The following NEK11 variants were observed in gnomAD, a reference collection of about 807,000 sequenced individuals.
NEK11 encodes the protein serine/threonine-protein kinase Nek11.
In NEK11, 72 loss-of-function variants were observed where a neutral mutation model predicts 80.7. The observed-to-expected ratio is 0.89, with a 90% CI of 0.74 to 1.08. NEK11 has a LOEUF of 1.08. Among genes scored for constraint, NEK11 ranks in the 50% least tolerant of loss-of-function variants. The pLI is 0.00. For synonymous variants in NEK11, 251 were observed against 260.7 expected (o/e 0.96, Z 0.36); for missense variants, 764 against 763.6 (o/e 1.00, Z -0.01).
Position 131,056,689 on chromosome 3 carries a change from C to T in NEK11, c.171-23734C>T, listed in dbSNP as rs145535659. Among the ~76,000 whole-genome samples the T allele has an allele frequency of 9.3e-3, 1,409 of 152,264 alleles. 20 individuals are homozygous for T. Among genetic ancestry groups the T allele is most frequent in the African/African-American group, 0.031 (1,293 of 41,554 alleles). On this transcript the variant is annotated intron_variant, in intron 3 of 17. Coordinates refer to ENST00000383366, the MANE Select transcript of NEK11 (RefSeq NM_024800.5). ...GGTCAGAAATCATTGCCAGCTTGTT[C>T]TCTATGGTTCTAGTGGAGAACAGAG...
chr3:131,243,971 G>C (rs1295835536), intron 16 of NEK11, among the ~76,000 whole-genome samples: 1 of 151,800 alleles, frequency 6.6e-6, no homozygotes, highest in African/African-American at 2.4e-5. Context: ...TATGCTTCAG[G>C]GATAAAGCCC....
intron 11 of NEK11, 132 bp from the exon 12 acceptor site, chr3:131,165,294 G>C: frequency 1.6e-6 from 1 of 623,074 alleles, no homozygotes; most frequent in East Asian, 2.8e-5. Flanking sequence ...CCTTGATGAG[G>C]AAGAGACCTG....
intron 16 of NEK11, among the ~76,000 whole-genome samples, chr3:131,272,705 AC>A (rs2096220780): frequency 6.6e-6 from 1 of 151,748 alleles, no homozygotes; most frequent in African/African-American, 2.4e-5. Flanking sequence ...CAAACTCGTG[AC>A]CTCAGGTGAT....
chr3:131,111,821 A>G (rs991107759), intron 5 of NEK11, among the ~76,000 whole-genome samples: 6 of 152,344 alleles, frequency 3.9e-5, no homozygotes, highest in South Asian at 4.1e-4. Flanking sequence ...GCATTCAGAT[A>G]TTAGACAGTT....
intron 7 of NEK11, among the ~76,000 whole-genome samples, chr3:131,145,771 G>A (rs942595137): frequency 6.6e-6 from 1 of 152,084 alleles, no homozygotes; most frequent in Non-Finnish European, 1.5e-5. Context: ...GACCTACTCA[G>A]TATGGAACCT....
intron 4 of NEK11, among the ~76,000 whole-genome samples, chr3:131,099,039 T>A (rs1026504412): frequency 1.3e-5 from 2 of 152,212 alleles, no homozygotes; most frequent in Non-Finnish European, 2.9e-5. Context: ...TAGCCAGAAA[T>A]TCTTTGCCAA....
intron 13 of NEK11, among the ~76,000 whole-genome samples, chr3:131,170,095 A>G (rs2092579839): frequency 6.6e-6 from 1 of 152,240 alleles, no homozygotes; most frequent in Non-Finnish European, 1.5e-5. Flanking sequence ...TATTAAAAAG[A>G]CACTCTTGGA....
intron 10 of NEK11, among the ~76,000 whole-genome samples, chr3:131,156,248 A>T (rs1280255739): frequency 6.6e-6 from 1 of 152,150 alleles, no homozygotes; most frequent in Non-Finnish European, 1.5e-5. Context: ...AAAATAAGAG[A>T]TGTATATTCC....
intron 3 of NEK11, among the ~76,000 whole-genome samples, chr3:131,077,416 A>C (rs2074541571): frequency 1.3e-5 from 2 of 152,170 alleles, no homozygotes; most frequent in Non-Finnish European, 2.9e-5. Flanking sequence ...AGATTATAAT[A>C]GATATCACCT....
At chr3:131,171,022 T>C in intron 14 of NEK11, 135 bp downstream of exon 14, 1 of 738,666 alleles carries the variant, frequency 1.4e-6, no homozygotes, top group South Asian at 1.5e-5. Context: ...TTACCAGGGC[T>C]GGGCTATGAC....
intron 3 of NEK11, among the ~76,000 whole-genome samples, chr3:131,030,311 G>C (rs1044614199): frequency 3.9e-5 from 6 of 152,060 alleles, no homozygotes; most frequent in Middle Eastern, 6.8e-3. Context: ...ATATAGGTAA[G>C]CTCCCTAATT....
At chr3:131,212,044 G>A (rs372745126) in intron 14 of NEK11, among the ~76,000 whole-genome samples, 10 of 152,220 alleles carry the variant, frequency 6.6e-5, no homozygotes, top group East Asian at 5.8e-4. Flanking sequence ...GAGAAGAGGC[G>A]CTCTGGTTTT....
In NEK11 at chr3:131,056,806, A is replaced by C. The variant is rs114314181; in HGVS notation, c.171-23617A>C. Among the ~76,000 whole-genome samples the C allele has an allele frequency of 4.9e-3, 745 of 152,232 alleles. 10 individuals carry two copies. The highest frequency in any genetic ancestry group is 0.017 in the African/African-American group (710 of 41,536). On this transcript the variant is annotated intron_variant, in intron 3 of 17. Transcript: ENST00000383366. ...AGAAGATAACAAAGGGGGTCAAAGC[A>C]GATGCCCTCTATGTCTATAGGGATG...
chr3:131,279,316 C>T (rs963761871), intron 17 of NEK11, among the ~76,000 whole-genome samples: 4 of 152,014 alleles, frequency 2.6e-5, no homozygotes, highest in Non-Finnish European at 5.9e-5. Flanking sequence ...CCATTGCACT[C>T]CAGACTTGGC....
At chr3:131,089,698 G>A (rs1984808) in intron 4 of NEK11, among the ~76,000 whole-genome samples, 32,633 of 152,018 alleles carry the variant, frequency 0.21, 3,887 homozygotes, top group African/African-American at 0.32. Flanking sequence ...CTTGGCCTCC[G>A]AAAGTGCTGG....
At chr3:131,233,628 G>A (rs1473077055) in intron 15 of NEK11, among the ~76,000 whole-genome samples, 1 of 152,164 alleles carries the variant, frequency 6.6e-6, no homozygotes, top group Non-Finnish European at 1.5e-5. Flanking sequence ...ATGCTCCAGA[G>A]TCAAAATGAG....
At chr3:131,234,775 T>G (rs978151230) in intron 15 of NEK11, among the ~76,000 whole-genome samples, 4 of 152,108 alleles carry the variant, frequency 2.6e-5, no homozygotes, top group Non-Finnish European at 5.9e-5. Flanking sequence ...GGGTTTGTTT[T>G]TTTTTTTACA....
intron 14 of NEK11, among the ~76,000 whole-genome samples, chr3:131,185,240 T>C (rs1342186888): frequency 6.6e-6 from 1 of 152,108 alleles, no homozygotes; most frequent in East Asian, 1.9e-4. Context: ...GGAAAGCAGA[T>C]AATAGGACAG....
At chr3:131,348,477 C>T (rs573754543) in intron 17 of NEK11, among the ~76,000 whole-genome samples, 4 of 151,846 alleles carry the variant, frequency 2.6e-5, no homozygotes, top group African/African-American at 7.3e-5. Flanking sequence ...AGGTCAAAGA[C>T]GGTCAGAAAA....
Sources: allele counts gnomAD v4.1 joint callset (sites outside exome capture counted in the v4.1 genomes callset), GRCh38; gene constraint gnomAD v4.1.1; transcripts MANE v1.5; gene names NCBI Gene and HGNC (gene_info 2026-07-23, HGNC 2026-07-21).